The following DACH2 variants were observed in gnomAD, a reference collection of about 807,000 sequenced individuals.
The protein encoded by DACH2 is dachshund homolog 2.
In DACH2, 17 loss-of-function variants were observed where a neutral mutation model predicts 35.8. That is an observed-to-expected ratio of 0.48 (90% CI 0.33 to 0.71). DACH2 has a LOEUF of 0.71. DACH2 is among the 30% of genes least tolerant of loss of function. DACH2 has a pLI of 0.02. For synonymous variants in DACH2, 195 were observed against 177.3 expected (o/e 1.10, Z -0.79); for missense variants, 469 against 472.7 (o/e 0.99, Z 0.07).
intron 3 of DACH2, among the ~76,000 whole-genome samples, chrX:86,529,979 A>ACACACACACG (rs2038693395): frequency 6.1e-5 from 4 of 65,873 alleles, no homozygotes; most frequent in East Asian, 5.3e-4. Flanking sequence ...ACACACACGC[A>ACACACACACG]CACACACACA....
intron 3 of DACH2, among the ~76,000 whole-genome samples, chrX:86,581,378 A>G (rs2039498442): frequency 9.1e-6 from 1 of 109,913 alleles, no homozygotes; most frequent in Non-Finnish European, 1.9e-5. Flanking sequence ...TACCAATATT[A>G]AACTTGAATG....
At chrX:86,461,678 T>G (rs1172430974) in intron 2 of DACH2, among the ~76,000 whole-genome samples, 1 of 111,416 alleles carries the variant, frequency 9.0e-6, no homozygotes, top group Non-Finnish European at 1.9e-5. Context: ...ATATGACCCA[T>G]GTAAAATCAA....
intron 1 of DACH2, among the ~76,000 whole-genome samples, chrX:86,173,816 G>A (rs1421757451): frequency 8.9e-6 from 1 of 112,131 alleles, no homozygotes; most frequent in African/African-American, 3.2e-5. Flanking sequence ...TTGAGAATAG[G>A]CTCATATAAG....
intron 1 of DACH2, among the ~76,000 whole-genome samples, chrX:86,224,848 A>G (rs934574947): frequency 9.0e-6 from 1 of 111,221 alleles, no homozygotes; most frequent in African/African-American, 3.3e-5. Context: ...TACTCAACAG[A>G]GCTGCTTTGT....
At chrX:86,295,218 A>AGG (rs2148005534) in intron 1 of DACH2, among the ~76,000 whole-genome samples, 1 of 61,051 alleles carries the variant, frequency 1.6e-5, no homozygotes, top group East Asian at 5.8e-4. Context: ...TGACTAGGAA[A>AGG]GGGAACTCCC....
chrX:86,446,401 G>A (rs2037279393), intron 2 of DACH2, among the ~76,000 whole-genome samples: 1 of 69,198 alleles, frequency 1.4e-5, no homozygotes, highest in Non-Finnish European at 2.6e-5. Flanking sequence ...CCACTAACGT[G>A]TCATCTAGCA....
intron 2 of DACH2, among the ~76,000 whole-genome samples, chrX:86,503,311 T>C: frequency 8.9e-6 from 1 of 112,102 alleles, no homozygotes; most frequent in Middle Eastern, 4.7e-3. Context: ...TTTCTAATCC[T>C]GAACTGAACT....
intron 1 of DACH2, among the ~76,000 whole-genome samples, chrX:86,310,007 C>G (rs774217727): frequency 3.6e-4 from 40 of 112,250 alleles, no homozygotes; most frequent in Non-Finnish European, 7.0e-4. Flanking sequence ...GTTTGGAGCC[C>G]TTGGCAGGCT....
intron 1 of DACH2, among the ~76,000 whole-genome samples, chrX:86,182,647 C>G (rs1356381846): frequency 9.0e-6 from 1 of 111,538 alleles, no homozygotes; most frequent in Non-Finnish European, 1.9e-5. Flanking sequence ...TTCAAATTTT[C>G]TTGGCTATAC....
chrX:86,500,446 T>C (rs925146370), intron 2 of DACH2, among the ~76,000 whole-genome samples: 2 of 111,836 alleles, frequency 1.8e-5, no homozygotes, highest in African/African-American at 6.5e-5. Context: ...GAACATCTTC[T>C]ATCTGTATCC....
intron 1 of DACH2, among the ~76,000 whole-genome samples, chrX:86,215,005 C>T (rs73514008): frequency 1.8e-5 from 2 of 111,059 alleles, no homozygotes; most frequent in East Asian, 5.6e-4. Flanking sequence ...GTGCAGAGGG[C>T]GAGATAGTTT....
At chrX:86,313,175 T>C (rs1355767113) in intron 1 of DACH2, among the ~76,000 whole-genome samples, 1 of 111,429 alleles carries the variant, frequency 9.0e-6, no homozygotes, top group African/African-American at 3.3e-5. Context: ...ATTATATCAG[T>C]TATAATAATT....
At chrX:86,551,832 C>G (rs1382095803) in intron 3 of DACH2, among the ~76,000 whole-genome samples, 3 of 111,679 alleles carry the variant, frequency 2.7e-5, no homozygotes, top group African/African-American at 9.8e-5. Context: ...TATGAGTGTG[C>G]TTTCCCCAGG....
At chrX:86,686,632 G>A (rs1385768699) in intron 4 of DACH2, among the ~76,000 whole-genome samples, 3 of 111,753 alleles carry the variant, frequency 2.7e-5, no homozygotes, top group Admixed American at 9.6e-5. Flanking sequence ...ATAGGAGAGT[G>A]AATAAGATTA....
At chrX:86,341,408 T>G (rs759254851) in intron 1 of DACH2, among the ~76,000 whole-genome samples, 13 of 111,800 alleles carry the variant, frequency 1.2e-4, no homozygotes, top group African/African-American at 4.2e-4. Context: ...CACGGCTTAA[T>G]AAATATTTTA....
chrX:86,239,238 T>C (rs1008269558), intron 1 of DACH2, among the ~76,000 whole-genome samples: 4 of 111,835 alleles, frequency 3.6e-5, no homozygotes, highest in African/African-American at 9.7e-5. Flanking sequence ...TAAAGATGAG[T>C]GCAGAAATTA....
chrX:86,816,037 C>T lies in DACH2; in HGVS notation c.1688C>T (p.Thr563Ile), dbSNP rs2042448025. The T allele has an allele frequency of 1.7e-6, 2 of 1,174,488 alleles. No homozygotes were observed. The highest frequency in any genetic ancestry group is 2.5e-4 in the Middle Eastern group (1 of 4,057). The change falls in exon 11 of 12, where the codon ACT (threonine) becomes ATT (isoleucine). Residue 563 changes from threonine (T) to isoleucine (I), a missense_variant. Physicochemically the swap from Thr to Ile is moderately conservative, Grantham distance 89. This residue lies in a region of DACH2 where 363 missense variants were observed against 334.4 expected (regional missense o/e 1.09). Transcript: ENST00000373125. ...TCTTGCATGTCATTTATTTCAGATA[C>T]TGGAATTCCAGATATTGAAATAGAA... ...SDSGLRMLKD[T>I]GIPDIEIENN...
rs193212246 is a variant in DACH2, at chrX:86,445,171, C to T, written c.527+68309C>T. On this transcript the variant is annotated intron_variant, in intron 2 of 11. Coordinates refer to ENST00000373125, the MANE Select transcript of DACH2 (RefSeq NM_053281.3). ...CAATTGTATATTGCTCTTAGAATTGCTTTTGATGTATCCCATAGGATTTGG... is the reference window on the plus strand; with the variant it reads ...CAATTGTATATTGCTCTTAGAATTGTTTTTGATGTATCCCATAGGATTTGG... Among the ~76,000 whole-genome samples the T allele has an allele frequency of 4.3e-3, 475 of 109,720 alleles. 1 individual carries two copies. The highest frequency in any genetic ancestry group is 0.015 in the African/African-American group (440 of 30,166).
chrX:86,549,949 A>G (rs917107644), intron 3 of DACH2, among the ~76,000 whole-genome samples: 1 of 111,792 alleles, frequency 8.9e-6, no homozygotes, highest in Non-Finnish European at 1.9e-5. Flanking sequence ...ATAGTCCTCA[A>G]TCAACAGTTT....
Sources: allele counts gnomAD v4.1 joint callset (sites outside exome capture counted in the v4.1 genomes callset), GRCh38; gene constraint gnomAD v4.1.1; regional missense constraint gnomAD v4.1.1; transcripts MANE v1.5; gene names NCBI Gene and HGNC (gene_info 2026-07-23, HGNC 2026-07-21).